PIK3CB: variants seen among roughly 807,000 people sequenced by gnomAD.
PIK3CB encodes the protein phosphatidylinositol-4,5-bisphosphate 3-kinase catalytic subunit beta.
In PIK3CB, 39 loss-of-function variants were observed where a neutral mutation model predicts 136.8. That is an observed-to-expected ratio of 0.29 (90% CI 0.22 to 0.37). PIK3CB has a LOEUF of 0.37. Ranked by LOEUF, PIK3CB falls within the 10% of genes least tolerant of loss-of-function variation. The probability of loss-of-function intolerance (pLI) is 1.00; values close to 1 mark genes in which losing one functional copy is unlikely to be tolerated. For missense variants in PIK3CB, 868 were observed against 1,275.4 expected (o/e 0.68, Z 4.87); for synonymous variants, 428 against 436.6 (o/e 0.98, Z 0.25).
At chr3:138,721,355 A>C (rs2044723346) in intron 8 of PIK3CB, among the ~76,000 whole-genome samples, 1 of 151,974 alleles carries the variant, frequency 6.6e-6, no homozygotes, top group Non-Finnish European at 1.5e-5. Context: ...ATTAGAGATG[A>C]GGTTTCACCA....
intron 1 of PIK3CB, among the ~76,000 whole-genome samples, chr3:138,833,812 A>G (rs1334548671): frequency 6.6e-6 from 1 of 152,140 alleles, no homozygotes; most frequent in African/African-American, 2.4e-5. Flanking sequence ...TTTACGTCCC[A>G]CCATCTTTCA....
intron 2 of PIK3CB, among the ~76,000 whole-genome samples, chr3:138,762,491 C>T (rs1397341745): frequency 6.6e-6 from 1 of 152,124 alleles, no homozygotes; most frequent in African/African-American, 2.4e-5. Flanking sequence ...TCCATAAACA[C>T]GAACAAAACT....
chr3:138,680,682 GTTCT>G (rs2043753868), intron 19 of PIK3CB, among the ~76,000 whole-genome samples: 1 of 150,788 alleles, frequency 6.6e-6, no homozygotes, highest in Non-Finnish European at 1.5e-5. Context: ...ATATCCAGTT[GTTCT>G]TTTTTTTTTT....
At chr3:138,755,730 C>CT (rs567365442) in intron 4 of PIK3CB, 24 bp downstream of exon 4, 456 of 1,141,806 alleles carry the variant, frequency 4.0e-4, no homozygotes, top group African/African-American at 1.2e-3. Context: ...AGAATTTGTA[C>CT]TTTTTTTTTA....
At chr3:138,768,489 G>A (rs1305098076) in intron 2 of PIK3CB, among the ~76,000 whole-genome samples, 13 of 152,182 alleles carry the variant, frequency 8.5e-5, no homozygotes, top group African/African-American at 1.9e-4. Context: ...GGGCAGGCCC[G>A]GAAAAGGCAC....
At chr3:138,759,495 A>C in intron 2 of PIK3CB, 136 bp from the exon 3 acceptor site, 1 of 541,086 alleles carries the variant, frequency 1.8e-6, no homozygotes, top group African/African-American at 1.9e-5. Context: ...CCAATTAAAT[A>C]ATGTGATATT....
chr3:138,698,269 G>A (rs1050748902), intron 13 of PIK3CB, among the ~76,000 whole-genome samples: 26 of 152,190 alleles, frequency 1.7e-4, no homozygotes, highest in African/African-American at 6.0e-4. Context: ...AAATTTATTT[G>A]TTCTGATTAA....
intron 19 of PIK3CB, among the ~76,000 whole-genome samples, chr3:138,671,609 CGGACTT>C (rs1170185602): frequency 1.3e-5 from 2 of 152,238 alleles, no homozygotes; most frequent in African/African-American, 2.4e-5. Context: ...AAAACAGTCA[CGGACTT>C]AGGCCCATGA....
intron 2 of PIK3CB, among the ~76,000 whole-genome samples, chr3:138,784,084 T>C (rs1014993836): frequency 2.6e-5 from 4 of 152,186 alleles, no homozygotes; most frequent in African/African-American, 9.6e-5. Context: ...TTACTAGGTA[T>C]AATATTCTAC....
At chr3:138,786,001 T>C (rs1156983270) in intron 2 of PIK3CB, among the ~76,000 whole-genome samples, 1 of 152,118 alleles carries the variant, frequency 6.6e-6, no homozygotes, top group Admixed American at 6.5e-5. Context: ...CACATCACCA[T>C]TAATGAACCT....
intron 5 of PIK3CB, among the ~76,000 whole-genome samples, chr3:138,738,226 C>T (rs1402259877): frequency 2.0e-5 from 3 of 152,058 alleles, no homozygotes; most frequent in Admixed American, 2.0e-4. Flanking sequence ...GGCTGGAGCG[C>T]AATGGCTCGA....
rs1312893752 is a variant in PIK3CB, at chr3:138,705,155, C to CAAAAAAAAAAAAAAAA, written c.1531-678_1531-663dup. Among the ~76,000 whole-genome samples, 93 of 29,668 alleles carry CAAAAAAAAAAAAAAAA rather than the reference C, an allele frequency of 3.1e-3. 16 individuals carry two copies. The East Asian group carries it at 0.043, about 14-fold the overall frequency. 19.5% of individuals were successfully genotyped at this position (29,668 alleles called of 152,430 possible). ...AAGACTCTCCAAGAGATTAGAAAGGCAAAAAAAAAAAAAAAAAACAAAAAA... is the reference window on the plus strand; with the variant it reads ...AAGACTCTCCAAGAGATTAGAAAGGCAAAAAAAAAAAAAAAAAAAAAAAAAAAAAAAAAACAAAAAA... On this transcript the variant is annotated intron_variant, in intron 11 of 23. Transcript: ENST00000674063.
At chr3:138,696,192 T>TC in intron 13 of PIK3CB, among the ~76,000 whole-genome samples, 1 of 151,696 alleles carries the variant, frequency 6.6e-6, no homozygotes. Flanking sequence ...TTTTTTTTTT[T>TC]TTTTGTAAGA....
Position 138,734,720 on chromosome 3 carries a change from C to T in PIK3CB, c.886G>A (p.Glu296Lys), listed in dbSNP as rs2108644922. The change falls in exon 7 of 24, where the codon GAA becomes AAA. Residue 296 changes from glutamate to lysine, a missense_variant. This residue lies in a region of PIK3CB where 612 missense variants were observed against 801.1 expected (regional missense o/e 0.76). Transcript: ENST00000674063. ...ATGGCAGCCTCTATGGCAATCATTT[C>T]TTGTTCATACATTTTCTTGATCTTG... ...CCKIKKMYEQ[E>K]MIAIEAAINR... is the part of the protein sequence containing the mutation. 3 of 1,613,092 alleles carry T rather than the reference C, an allele frequency of 1.9e-6. No individual in the cohort carries two copies. Among genetic ancestry groups the T allele is most frequent in the Non-Finnish European group, 2.5e-6 (3 of 1,179,342 alleles).
chr3:138,741,244 A>G (rs1279677552), intron 5 of PIK3CB, among the ~76,000 whole-genome samples: 3 of 152,238 alleles, frequency 2.0e-5, no homozygotes. Flanking sequence ...GGGTAAAACC[A>G]GAGACACCTG....
In PIK3CB at chr3:138,698,903, T is replaced by C; in HGVS notation, c.1770+4A>G. On this transcript the variant is annotated splice_donor_region_variant and intron_variant, in intron 13 of 23. Transcript: ENST00000674063. ...AAAAAGTTATAGAAACGATCTTTTG[T>C]TACCTGAGCAACATCCTCAAGTTTA... The C allele has an allele frequency of 6.3e-7, 1 of 1,581,320 alleles. No individual in the cohort carries two copies. Among genetic ancestry groups the C allele is most frequent in the Non-Finnish European group, 8.6e-7 (1 of 1,157,278 alleles).
At chr3:138,697,611 G>A (rs1577087235) in intron 13 of PIK3CB, among the ~76,000 whole-genome samples, 1 of 151,922 alleles carries the variant, frequency 6.6e-6, no homozygotes, top group African/African-American at 2.4e-5. Flanking sequence ...TTTTGTATTT[G>A]TTGTAGAGAC....
At chr3:138,747,555 A>G (rs2045385350) in intron 4 of PIK3CB, among the ~76,000 whole-genome samples, 1 of 152,194 alleles carries the variant, frequency 6.6e-6, no homozygotes, top group Admixed American at 6.5e-5. Flanking sequence ...GTATCTTTAC[A>G]TTTGTTTGCA....
chr3:138,811,961 A>G (rs1287106937), intron 1 of PIK3CB, among the ~76,000 whole-genome samples: 2 of 152,040 alleles, frequency 1.3e-5, no homozygotes, highest in Non-Finnish European at 2.9e-5. Context: ...GTAGTGGCAC[A>G]TGCCTGTAAT....
Sources: allele counts gnomAD v4.1 joint callset (sites outside exome capture counted in the v4.1 genomes callset), GRCh38; gene constraint gnomAD v4.1.1; regional missense constraint gnomAD v4.1.1; transcripts MANE v1.5; gene names NCBI Gene and HGNC (gene_info 2026-07-23, HGNC 2026-07-21).